Variants in SHANK2 observed in about 807,000 individuals in gnomAD.
SHANK2 encodes the protein SH3 and multiple ankyrin repeat domains protein 2.
A neutral mutation model predicts 133.7 loss-of-function variants in SHANK2; 43 were observed. That is an observed-to-expected ratio of 0.32 (90% CI 0.25 to 0.41). The LOEUF (loss-of-function observed/expected upper bound fraction) is 0.41. Among genes scored for constraint, SHANK2 ranks in the 10% least tolerant of loss-of-function variants. The pLI is 1.00. For synonymous variants in SHANK2, 1,017 were observed against 952.8 expected (o/e 1.07, Z -1.24); for missense variants, 1,994 against 2,235.8 (o/e 0.89, Z 2.18).
intron 1 of SHANK2, among the ~76,000 whole-genome samples, chr11:71,229,626 G>A (rs753215628): frequency 2.4e-4 from 36 of 151,814 alleles, no homozygotes; most frequent in Non-Finnish European, 4.7e-4. Context: ...AAAATTAGCT[G>A]GTGCATGCCT....
chr11:70,754,449 T>C (rs868994840), intron 14 of SHANK2, among the ~76,000 whole-genome samples: 2 of 152,352 alleles, frequency 1.3e-5, no homozygotes, highest in South Asian at 4.1e-4. Flanking sequence ...GCTGGTTCAA[T>C]ATTTGAAAAA....
chr11:70,781,558 T>TTATATA (rs1273792106), intron 14 of SHANK2, among the ~76,000 whole-genome samples: 1,609 of 28,956 alleles, frequency 0.056, 220 homozygotes, highest in Non-Finnish European at 0.074. Flanking sequence ...TACTTACTTA[T>TTATATA]TATATATATA....
At chr11:70,876,344 G>C (rs1555071306) in intron 11 of SHANK2, among the ~76,000 whole-genome samples, 1 of 150,502 alleles carries the variant, frequency 6.6e-6, no homozygotes, top group Non-Finnish European at 1.5e-5. Context: ...GGCAGATCAC[G>C]AGGTCAGGAG....
chr11:70,512,010 T>TATCA (rs1374215883), intron 17 of SHANK2, among the ~76,000 whole-genome samples: 1 of 152,250 alleles, frequency 6.6e-6, no homozygotes, highest in Non-Finnish European at 1.5e-5. Context: ...ATTTTATATC[T>TATCA]ATCACTCAAT....
At chr11:71,181,695 C>T (rs939448708) in intron 2 of SHANK2, among the ~76,000 whole-genome samples, 1 of 152,038 alleles carries the variant, frequency 6.6e-6, no homozygotes, top group Non-Finnish European at 1.5e-5. Flanking sequence ...CCAAGGCAAC[C>T]GTGACACCGC....
At position 70,641,294 on chromosome 11, in the gene SHANK2, C is replaced by T. The variant is rs537604963; in HGVS notation, c.2061+18534G>A. On this transcript the variant is annotated intron_variant, in intron 17 of 25. Transcript: ENST00000601538. The stretch of plus-strand genomic sequence containing the variant: ...TGTATTAGTAGAGATGGGGTTTCAC[C>T]GTGGTAGCCAGGATGGTCTCGATCT... Among the ~76,000 whole-genome samples the T allele has an allele frequency of 6.6e-5, 10 of 152,142 alleles. No individual in the cohort carries two copies. The South Asian group carries it at 1.5e-3, about 22-fold the overall frequency.
intron 14 of SHANK2, among the ~76,000 whole-genome samples, chr11:70,757,829 G>A (rs1322373243): frequency 7.2e-5 from 11 of 152,162 alleles, no homozygotes; most frequent in Non-Finnish European, 1.2e-4. Flanking sequence ...CATCCCATAG[G>A]CCTGCATGAA....
chr11:70,565,559 T>C (rs142249141), intron 17 of SHANK2, among the ~76,000 whole-genome samples: 1 of 152,310 alleles, frequency 6.6e-6, no homozygotes, highest in Non-Finnish European at 1.5e-5. Flanking sequence ...ATGTCTTCAA[T>C]GTGGATGTTC....
chr11:70,776,767 C>T (rs1947372542), intron 14 of SHANK2, among the ~76,000 whole-genome samples: 1 of 151,562 alleles, frequency 6.6e-6, no homozygotes. Context: ...TCTACTCACC[C>T]ACTCAGCCAC....
intron 3 of SHANK2, among the ~76,000 whole-genome samples, chr11:71,137,487 C>G (rs1952468072): frequency 6.6e-6 from 1 of 152,036 alleles, no homozygotes. Context: ...CCAAAGGAGG[C>G]TGCAGCAGGA....
At chr11:71,146,838 C>T (rs1328321008) in intron 3 of SHANK2, among the ~76,000 whole-genome samples, 4 of 152,170 alleles carry the variant, frequency 2.6e-5, no homozygotes, top group African/African-American at 4.8e-5. Flanking sequence ...GGGACTCTTG[C>T]TTCAGGTCTG....
intron 2 of SHANK2, among the ~76,000 whole-genome samples, chr11:71,192,483 A>T (rs1555115596): frequency 1.3e-5 from 2 of 152,182 alleles, no homozygotes; most frequent in African/African-American, 4.8e-5. Context: ...CACTGCCTGG[A>T]ACCCTGTTTC....
chr11:70,636,929 G>T (rs2061109047), intron 17 of SHANK2, among the ~76,000 whole-genome samples: 1 of 152,158 alleles, frequency 6.6e-6, no homozygotes, highest in Non-Finnish European at 1.5e-5. Flanking sequence ...GTTTCCTGGG[G>T]TTGTCACGAC....
At chr11:70,831,566 C>A (rs1025501708) in intron 11 of SHANK2, among the ~76,000 whole-genome samples, 2 of 152,230 alleles carry the variant, frequency 1.3e-5, no homozygotes, top group African/African-American at 4.8e-5. Context: ...CACTGCACCA[C>A]CCCCTCAAAC....
At chr11:71,122,616 T>C (rs1220197910) in intron 3 of SHANK2, among the ~76,000 whole-genome samples, 1 of 152,118 alleles carries the variant, frequency 6.6e-6, no homozygotes, top group Non-Finnish European at 1.5e-5. Context: ...CTGCACATTG[T>C]GCACATGTAC....
At chr11:70,676,361 G>A (rs1386448235) in intron 15 of SHANK2, among the ~76,000 whole-genome samples, 3 of 152,256 alleles carry the variant, frequency 2.0e-5, no homozygotes, top group Admixed American at 6.5e-5. Context: ...TGGGACCTCT[G>A]GGAAAGGCTG....
intron 17 of SHANK2, among the ~76,000 whole-genome samples, chr11:70,659,427 C>G (rs564823882): frequency 2.6e-5 from 4 of 152,298 alleles, no homozygotes; most frequent in South Asian, 4.1e-4. Context: ...AACTGCCACA[C>G]AAGAGTGGTT....
intron 2 of SHANK2, among the ~76,000 whole-genome samples, chr11:71,151,670 A>G (rs1952799212): frequency 6.6e-6 from 1 of 152,190 alleles, no homozygotes; most frequent in Admixed American, 6.5e-5. Context: ...CTCAGCGTCA[A>G]CATCTGAAAA....
At chr11:70,909,243 G>T (rs1950153876) in intron 10 of SHANK2, among the ~76,000 whole-genome samples, 1 of 152,230 alleles carries the variant, frequency 6.6e-6, no homozygotes, top group Admixed American at 6.5e-5. Context: ...TTTCAAGAGT[G>T]ACTCTGGTGG....
Sources: allele counts gnomAD v4.1 joint callset (sites outside exome capture counted in the v4.1 genomes callset), GRCh38; gene constraint gnomAD v4.1.1; transcripts MANE v1.5; gene names NCBI Gene and HGNC (gene_info 2026-07-23, HGNC 2026-07-21).